The following NAV2 variants were observed in gnomAD, a reference collection of about 807,000 sequenced individuals.
The protein encoded by NAV2 is helicase, APC down-regulated 1.
NAV2 carries 54 observed loss-of-function variants against 223.2 expected under a neutral mutation model. The observed-to-expected ratio is 0.24, with a 90% CI of 0.19 to 0.30. The LOEUF (loss-of-function observed/expected upper bound fraction) is 0.30. NAV2 is among the 10% of genes least tolerant of loss of function. NAV2 has a pLI of 1.00. For synonymous variants in NAV2, 1,279 were observed against 1,239.3 expected (o/e 1.03, Z -0.67); for missense variants, 2,806 against 3,147.5 (o/e 0.89, Z 2.60).
intron 11 of NAV2, among the ~76,000 whole-genome samples, chr11:20,032,344 C>T (rs183820325): frequency 6.6e-6 from 1 of 152,302 alleles, no homozygotes; most frequent in East Asian, 1.9e-4. Context: ...ACGCAGTGCT[C>T]CAGGCACTGA....
chr11:19,617,528 T>C (rs2046835589), intron 1 of NAV2, among the ~76,000 whole-genome samples: 1 of 152,188 alleles, frequency 6.6e-6, no homozygotes, highest in African/African-American at 2.4e-5. Context: ...TCCACTCTCA[T>C]GGAGAGAGAC....
chr11:19,618,535 TG>T (rs1565105675), intron 1 of NAV2, among the ~76,000 whole-genome samples: 1 of 151,848 alleles, frequency 6.6e-6, no homozygotes. Flanking sequence ...GATGGATGGA[TG>T]GATGGGTCCC....
intron 1 of NAV2, among the ~76,000 whole-genome samples, chr11:19,581,923 C>A (rs1362000507): frequency 6.6e-6 from 1 of 152,180 alleles, no homozygotes; most frequent in African/African-American, 2.4e-5. Context: ...AGTTCTAGAT[C>A]CATGAGGAAT....
chr11:19,886,025 A>G (rs1171436954), intron 5 of NAV2, among the ~76,000 whole-genome samples: 1 of 152,146 alleles, frequency 6.6e-6, no homozygotes, highest in East Asian at 1.9e-4. Flanking sequence ...CTGATACTTT[A>G]ACCTAGACTC....
intron 1 of NAV2, among the ~76,000 whole-genome samples, chr11:19,442,504 T>C (rs1007071505): frequency 2.0e-5 from 3 of 152,074 alleles, no homozygotes; most frequent in Non-Finnish European, 4.4e-5. Context: ...CATGCGCTGG[T>C]GGTGGATATG....
At chr11:19,475,048 A>G (rs1489860369) in intron 1 of NAV2, among the ~76,000 whole-genome samples, 5 of 152,204 alleles carry the variant, frequency 3.3e-5, no homozygotes, top group African/African-American at 1.2e-4. Flanking sequence ...TGCTTAGACA[A>G]CTTTCCACTG....
At position 19,558,266 on chromosome 11, in the gene NAV2, C is replaced by T. The variant is rs115924936; in HGVS notation, c.75+207239C>T. Among the ~76,000 whole-genome samples, 607 of 152,286 alleles carry T rather than the reference C, an allele frequency of 4.0e-3. 7 individuals are homozygous for T. Among genetic ancestry groups the T allele is most frequent in the African/African-American group, 0.014 (578 of 41,566 alleles). On this transcript the variant is annotated intron_variant, in intron 1 of 37. Transcript: ENST00000360655. ...TCACGATTCTGCAATTAGGGCAGGG[C>T]TCAGTGGGACAGCAACTCGCTTCCT...
At chr11:20,079,400 G>A (rs2059953690) in intron 24 of NAV2, among the ~76,000 whole-genome samples, 1 of 152,164 alleles carries the variant, frequency 6.6e-6, no homozygotes, top group South Asian at 2.1e-4. Flanking sequence ...AGAACCTGAT[G>A]AGTTGGTTTG....
intron 1 of NAV2, among the ~76,000 whole-genome samples, chr11:19,459,083 G>T (rs530912644): frequency 6.6e-6 from 1 of 152,340 alleles, no homozygotes; most frequent in African/African-American, 2.4e-5. Context: ...GCTAAAGGCA[G>T]GGAAGAGCTA....
chr11:20,004,601 C>CCTGT (rs1468707420), intron 11 of NAV2, among the ~76,000 whole-genome samples: 2 of 152,140 alleles, frequency 1.3e-5, no homozygotes, highest in African/African-American at 4.8e-5. Context: ...GGGGCTCAGT[C>CCTGT]CTGCCATTCT....
intron 1 of NAV2, among the ~76,000 whole-genome samples, chr11:19,528,930 A>C (rs1340184561): frequency 3.0e-4 from 4 of 13,266 alleles, no homozygotes; most frequent in African/African-American, 7.4e-4. Flanking sequence ...CTCCATCTCA[A>C]AAAAAAAAAA....
At chr11:19,803,540 C>T (rs1400387967) in intron 1 of NAV2, among the ~76,000 whole-genome samples, 1 of 152,230 alleles carries the variant, frequency 6.6e-6, no homozygotes, top group East Asian at 1.9e-4. Context: ...TCAGTGTCTT[C>T]ATCTGCAAAA....
In NAV2 at chr11:20,006,464, C is replaced by T. The variant is rs570643751; in HGVS notation, c.2768+22217C>T. Among the ~76,000 whole-genome samples the T allele has an allele frequency of 2.4e-3, 362 of 152,184 alleles. 3 individuals carry two copies. Among genetic ancestry groups the T allele is most frequent in the African/African-American group, 7.9e-3 (326 of 41,528 alleles). On this transcript the variant is annotated intron_variant, in intron 11 of 37. Transcript: ENST00000349880. ...GGCTGAGGTGGGTGGATCATGAGGCCAAGAGATCAAGACCATCCTGACCAA... is the reference window on the plus strand; with the variant it reads ...GGCTGAGGTGGGTGGATCATGAGGCTAAGAGATCAAGACCATCCTGACCAA...
In NAV2 at chr11:19,538,891, T is replaced by TTATA. The variant is rs57662236; in HGVS notation, c.75+187878_75+187881dup. On this transcript the variant is annotated intron_variant, in intron 1 of 37. Transcript: ENST00000360655. Reference sequence around the variant, plus strand: ...ATATCACAACCAGGATAATGACATTTTATATATATATATATATCTTTCCAC... The same window carrying TTATA: ...ATATCACAACCAGGATAATGACATTTTATATATATATATATATATATCTTTCCAC... Among the ~76,000 whole-genome samples, 1,015 of 146,484 alleles carry TTATA rather than the reference T, an allele frequency of 6.9e-3. 13 individuals are homozygous for TTATA. Among genetic ancestry groups the TTATA allele is most frequent in the African/African-American group, 0.025 (938 of 37,658 alleles).
At chr11:19,763,457 C>T (rs1235698549) in intron 1 of NAV2, among the ~76,000 whole-genome samples, 6 of 151,564 alleles carry the variant, frequency 4.0e-5, no homozygotes, top group East Asian at 3.9e-4. Flanking sequence ...TGTAGACCCA[C>T]GGTGTGGAGT....
At chr11:19,754,856 C>T (rs894027249) in intron 1 of NAV2, among the ~76,000 whole-genome samples, 2 of 152,166 alleles carry the variant, frequency 1.3e-5, no homozygotes, top group African/African-American at 4.8e-5. Flanking sequence ...CAGAGAACTC[C>T]CCTTAGCCTA....
chr11:19,870,681 A>G (rs529286072), intron 4 of NAV2, among the ~76,000 whole-genome samples: 3 of 152,294 alleles, frequency 2.0e-5, no homozygotes, highest in Non-Finnish European at 4.4e-5. Flanking sequence ...GCAGGATTTT[A>G]TCTGTATTGG....
chr11:19,932,271 G>GAAAAAAA (rs1174131777), intron 6 of NAV2, among the ~76,000 whole-genome samples: 3 of 107,024 alleles, frequency 2.8e-5, no homozygotes, highest in African/African-American at 3.4e-5. Context: ...GAAAGAAAAG[G>GAAAAAAA]AAAAAAAAAA....
At chr11:19,455,175 G>A (rs916410509) in intron 1 of NAV2, among the ~76,000 whole-genome samples, 10 of 152,174 alleles carry the variant, frequency 6.6e-5, no homozygotes, top group African/African-American at 2.2e-4. Flanking sequence ...TCAGGTAACT[G>A]CCATAGCGAG....
Sources: gnomAD v4.1 joint callset for allele counts (sites outside exome capture counted in the v4.1 genomes callset) on GRCh38, gnomAD v4.1.1 for gene constraint, MANE v1.5 for transcripts, NCBI Gene and HGNC (gene_info 2026-07-23, HGNC 2026-07-21) for gene names.